TNIK: variants seen among roughly 807,000 people sequenced by gnomAD.
The protein encoded by TNIK is TRAF2 and NCK interacting kinase, also known as TRAF2 and NCK-interacting protein kinase.
TNIK carries 49 observed loss-of-function variants against 191.3 expected under a neutral mutation model. The ratio of observed to expected loss-of-function variants is 0.26; its 90% CI spans 0.20 to 0.32. The LOEUF is 0.32. Among genes scored for constraint, TNIK ranks in the 10% least tolerant of loss-of-function variants. The pLI, the probability that TNIK is intolerant of heterozygous loss-of-function variation, is 1.00. For synonymous variants in TNIK, 594 were observed against 600.9 expected (o/e 0.99, Z 0.17); for missense variants, 1,155 against 1,702.3 (o/e 0.68, Z 5.66).
Position 171,211,189 on chromosome 3 carries a change from T to C in TNIK, c.233A>G (p.His78Arg). 1 of 1,610,688 alleles carries C rather than the reference T, an allele frequency of 6.2e-7. No individual in the cohort carries two copies. Among genetic ancestry groups the C allele is most frequent in the Non-Finnish European group, 8.5e-7 (1 of 1,177,518 alleles). The change falls in exon 4 of 33, where the codon CAT (histidine) becomes CGT (arginine). Residue 78 changes from histidine (H) to arginine (R), a missense_variant. Transcript: ENST00000436636. ...ATAGTATGTAGCAATATTCCGGTGA[T>C]GAGAATATTTCTTCAACATGTTAAT... ...QEINMLKKYS[H>R]HRNIATYYGA...
chr3:171,239,129 A>C (rs1744648858), intron 2 of TNIK, among the ~76,000 whole-genome samples: 1 of 152,366 alleles, frequency 6.6e-6, no homozygotes, highest in East Asian at 1.9e-4. Flanking sequence ...AACAATATTT[A>C]CATCTTAATA....
chr3:171,111,815 C>T (rs1427085981), intron 18 of TNIK, among the ~76,000 whole-genome samples: 1 of 152,200 alleles, frequency 6.6e-6, no homozygotes, highest in Non-Finnish European at 1.5e-5. Flanking sequence ...ATATCTCTCT[C>T]TCAAAAAGAC....
chr3:171,185,086 G>C (rs1388976996), intron 7 of TNIK, among the ~76,000 whole-genome samples: 1 of 151,942 alleles, frequency 6.6e-6, no homozygotes, highest in Non-Finnish European at 1.5e-5. Context: ...AGGACAGAAA[G>C]ATATAGAAAA....
chr3:171,235,821 C>T (rs1040049991), intron 2 of TNIK, among the ~76,000 whole-genome samples: 39 of 151,490 alleles, frequency 2.6e-4, no homozygotes, highest in African/African-American at 8.5e-4. Flanking sequence ...TCTGAGAATC[C>T]AGGAAAAAGT....
intron 4 of TNIK, among the ~76,000 whole-genome samples, chr3:171,197,785 G>A (rs1156776661): frequency 6.6e-6 from 1 of 152,152 alleles, no homozygotes; most frequent in Non-Finnish European, 1.5e-5. Flanking sequence ...GAGGATGTGG[G>A]GAAACTGGAA....
chr3:171,150,408 C>T (rs1238924712), intron 12 of TNIK, among the ~76,000 whole-genome samples: 2 of 152,314 alleles, frequency 1.3e-5, no homozygotes, highest in South Asian at 2.1e-4. Context: ...TGAACTGCCA[C>T]GTTCTCACCC....
intron 2 of TNIK, among the ~76,000 whole-genome samples, chr3:171,318,936 G>A (rs907379322): frequency 2.3e-4 from 35 of 152,090 alleles, no homozygotes; most frequent in Non-Finnish European, 4.6e-4. Flanking sequence ...AGGCTAAGGT[G>A]GGAGGATCAC....
chr3:171,190,141 A>G (rs977173201), intron 6 of TNIK, among the ~76,000 whole-genome samples: 5 of 152,208 alleles, frequency 3.3e-5, no homozygotes, highest in African/African-American at 9.6e-5. Context: ...TTGTTGCGGA[A>G]AGAGCTCTAA....
At chr3:171,324,363 G>A (rs1245098036) in intron 2 of TNIK, among the ~76,000 whole-genome samples, 2 of 152,078 alleles carry the variant, frequency 1.3e-5, no homozygotes, top group African/African-American at 4.8e-5. Flanking sequence ...TGACTTCATA[G>A]AGAACTAAAC....
At chr3:171,314,953 G>A (rs191757507) in intron 2 of TNIK, among the ~76,000 whole-genome samples, 5 of 152,146 alleles carry the variant, frequency 3.3e-5, no homozygotes, top group Admixed American at 1.3e-4. Flanking sequence ...TGAGTGCTAG[G>A]GAACTCAATC....
intron 5 of TNIK, among the ~76,000 whole-genome samples, chr3:171,194,225 G>A (rs141023742): frequency 6.6e-6 from 1 of 152,028 alleles, no homozygotes. Flanking sequence ...CTAAAATCAG[G>A]TTTCTAATTG....
At position 171,460,398 on chromosome 3, in the gene TNIK, G is replaced by A. The variant is rs866366483; in HGVS notation, c.-335C>T. The A allele has an allele frequency of 8.7e-5, 36 of 412,918 alleles. No individual in the cohort carries two copies. Among genetic ancestry groups the A allele is most frequent in the Middle Eastern group, 7.2e-4 (1 of 1,384 alleles). The allele number at this position is 412,918 out of a possible 1,614,324, so 25.6% of individuals were successfully genotyped here. ...TTGTGCGTGGATGGCGGCTGCATTG[G>A]CTGTTATAATGAGACACATCAACTC... On this transcript the variant is annotated 5_prime_UTR_variant, in exon 1 of 33. Transcript: ENST00000436636. This position sits in a 1 kb window ranked among gnomAD's most constrained non-coding sequence, Gnocchi z 6.8.
intron 12 of TNIK, among the ~76,000 whole-genome samples, chr3:171,145,833 G>T (rs1432772427): frequency 6.8e-6 from 1 of 147,314 alleles, no homozygotes; most frequent in Non-Finnish European, 1.5e-5. Context: ...TAGATAAGCA[G>T]AAAAGTACGC....
Position 171,436,548 on chromosome 3 carries a change from A to G in TNIK, c.57+23459T>C, listed in dbSNP as rs73879564. 4.4e-3 allele frequency among the ~76,000 whole-genome samples: 672 copies of G among 152,036 alleles called. 5 individuals carry two copies. Among genetic ancestry groups the G allele is most frequent in the African/African-American group, 0.015 (615 of 41,470 alleles). On this transcript the variant is annotated intron_variant, in intron 1 of 32. Transcript: ENST00000436636. ...ACAAGCTGCAAAGCTAGTAAGCTATAGCACCAAGATTCAAATCCAGAGAGT... is the reference window on the plus strand; with the variant it reads ...ACAAGCTGCAAAGCTAGTAAGCTATGGCACCAAGATTCAAATCCAGAGAGT...
chr3:171,158,031 A>G (rs1178730661), intron 11 of TNIK, among the ~76,000 whole-genome samples: 1 of 152,154 alleles, frequency 6.6e-6, no homozygotes, highest in Non-Finnish European at 1.5e-5. Flanking sequence ...AGACTGGATT[A>G]TTTTCAATAA....
chr3:171,459,983 G>A (rs1428872183), intron 1 of TNIK, 24 bp downstream of exon 1: 1 of 1,573,584 alleles, frequency 6.4e-7, no homozygotes, highest in Admixed American at 1.7e-5. Context: ...CCACTGGAAA[G>A]AAACCAGAAA....
At chr3:171,331,914 T>C (rs915082489) in intron 2 of TNIK, among the ~76,000 whole-genome samples, 3 of 152,230 alleles carry the variant, frequency 2.0e-5, no homozygotes, top group African/African-American at 7.2e-5. Flanking sequence ...ATTTTTAAAG[T>C]AACTTATTCT....
At chr3:171,219,044 T>TATATAAATA in intron 3 of TNIK, among the ~76,000 whole-genome samples, 1 of 62,680 alleles carries the variant, frequency 1.6e-5, no homozygotes, top group African/African-American at 1.0e-4. Context: ...TTATATTAAA[T>TATATAAATA]TATATTTAAT....
At chr3:171,399,262 C>A (rs1055856867) in intron 1 of TNIK, among the ~76,000 whole-genome samples, 1 of 152,094 alleles carries the variant, frequency 6.6e-6, no homozygotes, top group Non-Finnish European at 1.5e-5. Context: ...TGCTTTGATG[C>A]CTCCTTCTGA....
Sources: gnomAD v4.1 joint callset for allele counts (sites outside exome capture counted in the v4.1 genomes callset) on GRCh38, gnomAD v4.1.1 for gene constraint, Gnocchi (gnomAD v3.1) non-coding constraint, MANE v1.5 for transcripts, NCBI Gene and HGNC (gene_info 2026-07-23, HGNC 2026-07-21) for gene names.